Variants in LINGO1 observed in about 807,000 individuals in gnomAD.
LINGO1 encodes leucine rich repeat and Ig domain containing 1, also known as leucine-rich repeat and immunoglobulin-like domain-containing nogo receptor-interacting protein 1.
Under a neutral mutation model 37.3 loss-of-function variants are expected in LINGO1, and 11 were observed. The ratio of observed to expected loss-of-function variants is 0.29; its 90% CI spans 0.19 to 0.49. The LOEUF (loss-of-function observed/expected upper bound fraction) is 0.49. Among genes scored for constraint, LINGO1 ranks in the 20% least tolerant of loss-of-function variants. The pLI is 0.99. For synonymous variants in LINGO1, 387 were observed against 403.0 expected, an observed-to-expected ratio of 0.96 and a Z score of 0.48; for missense variants, 585 against 878.2, an observed-to-expected ratio of 0.67 and a Z score of 4.22.
At position 77,650,449 on chromosome 15, in the gene LINGO1, C is replaced by A. The variant is rs115122762; in HGVS notation, c.-13+26640G>T. Among the ~76,000 whole-genome samples, 982 of 152,316 alleles carry A rather than the reference C, an allele frequency of 6.4e-3. 15 individuals carry two copies. The highest frequency in any genetic ancestry group is 0.022 in the African/African-American group (934 of 41,574). On this transcript the variant is annotated intron_variant, in intron 3 of 3. Coordinates refer to the LINGO1 transcript ENST00000559893. ...CATGCAGGGAAGACTAGCAGAGGGT[C>A]GCCATAGCAACCCTGGGCATCCAGC... is the stretch of plus-strand genomic sequence containing the variant.
rs746043474 is a variant in LINGO1 at position 77,614,010 on chromosome 15, G to C, written c.*34C>G. The C allele has an allele frequency of 3.3e-6, 5 of 1,528,002 alleles. No individual in the cohort carries two copies. In the African/African-American group the frequency reaches 5.5e-5, roughly 17 times the overall value. The allele number at this position is 1,528,002 out of a possible 1,614,324, so 94.7% of individuals were successfully genotyped here. The stretch of plus-strand genomic sequence containing the variant: ...GGCGGCCAGGCCCCTTCCCCTGCCC[G>C]GCCGCCCGGGGGTCCCTGCCCCCCG... On this transcript the variant is annotated 3_prime_UTR_variant, in exon 2 of 2. Transcript: ENST00000355300.
chr15:77,790,192 G>C (rs974489799), upstream of LINGO1, among the ~76,000 whole-genome samples: 3 of 152,208 alleles, frequency 2.0e-5, no homozygotes, highest in Non-Finnish European at 4.4e-5. Flanking sequence ...TACACCCACA[G>C]ACCTGGTTTT....
chr15:77,752,117 T>C (rs2076378055), intron 1 of LINGO1, among the ~76,000 whole-genome samples: 2 of 152,198 alleles, frequency 1.3e-5, no homozygotes, highest in Admixed American at 1.3e-4. Flanking sequence ...TACCCCATGC[T>C]GCACCTGTGC....
chr15:77,623,758 T>TCAG (rs2073996630), intron 1 of LINGO1, among the ~76,000 whole-genome samples: 1 of 150,646 alleles, frequency 6.6e-6, no homozygotes, highest in South Asian at 2.1e-4. Context: ...GGTCATGTCC[T>TCAG]TTGTTGTGTA....
chr15:77,693,301 A>T (rs1166533316), intron 1 of LINGO1, among the ~76,000 whole-genome samples: 2 of 152,268 alleles, frequency 1.3e-5, no homozygotes, highest in African/African-American at 4.8e-5. Context: ...GATACCGATG[A>T]TAAGCAAATA....
intron 1 of LINGO1, among the ~76,000 whole-genome samples, chr15:77,802,612 C>T (rs1421833561): frequency 6.6e-6 from 1 of 152,108 alleles, no homozygotes; most frequent in African/African-American, 2.4e-5. Flanking sequence ...AGAAGGCCCC[C>T]TTCCCTTGAA....
At chr15:77,708,496 G>A (rs979466178) in intron 2 of LINGO1, among the ~76,000 whole-genome samples, 2 of 152,192 alleles carry the variant, frequency 1.3e-5, no homozygotes, top group Non-Finnish European at 2.9e-5. Flanking sequence ...ATGTCCATCT[G>A]GAACCTCAGA....
intron 3 of LINGO1, among the ~76,000 whole-genome samples, chr15:77,654,012 A>G (rs1307542758): frequency 6.6e-6 from 1 of 152,152 alleles, no homozygotes; most frequent in Non-Finnish European, 1.5e-5. Flanking sequence ...CCCCTTTAAC[A>G]TTAGGTATGG....
intron 2 of LINGO1, among the ~76,000 whole-genome samples, chr15:77,687,614 AAC>A (rs1344294906): frequency 6.6e-6 from 1 of 152,194 alleles, no homozygotes; most frequent in African/African-American, 2.4e-5. Context: ...AGCCTTCAAA[AAC>A]ACAGTGAGGA....
rs534933479 is a variant in LINGO1 at position 77,768,761 on chromosome 15, C to T, written c.-257+18108G>A. ...GCCAAGCCCTGGGCCTGTCAGAGGA[C>T]GGCAGGAGAGAAAAATTCACGACCC... On this transcript the variant is annotated intron_variant, in intron 1 of 3. Coordinates refer to the LINGO1 transcript ENST00000561686. Among the ~76,000 whole-genome samples the T allele has an allele frequency of 1.1e-3, 164 of 152,234 alleles. 1 individual carries two copies. Among genetic ancestry groups the T allele is most frequent in the African/African-American group, 3.9e-3 (162 of 41,542 alleles).
chr15:77,738,551 T>G (rs1030049300), intron 1 of LINGO1, among the ~76,000 whole-genome samples: 2 of 152,098 alleles, frequency 1.3e-5, no homozygotes, highest in African/African-American at 4.8e-5. Context: ...CCCCAGTCTC[T>G]CCCAATTTTC....
chr15:77,817,370 G>A (rs1464688888), intron 1 of LINGO1, among the ~76,000 whole-genome samples: 1 of 152,226 alleles, frequency 6.6e-6, no homozygotes, highest in Non-Finnish European at 1.5e-5. Flanking sequence ...CCACAGAGGG[G>A]CTCTAGGATG....
chr15:77,622,222 C>A (rs894714733), intron 1 of LINGO1, among the ~76,000 whole-genome samples: 6 of 151,878 alleles, frequency 4.0e-5, no homozygotes, highest in Non-Finnish European at 8.8e-5. Flanking sequence ...GAGAGAGAAA[C>A]CCAGAGACAC....
chr15:77,779,605 C>T (rs1027695068), intron 1 of LINGO1, among the ~76,000 whole-genome samples: 2 of 152,000 alleles, frequency 1.3e-5, no homozygotes, highest in East Asian at 1.9e-4. Context: ...ATAGGGTTCT[C>T]GCTCCTATGA....
rs145704587 is a variant in LINGO1, at chr15:77,780,575, A to G, written c.-257+6294T>C. 2.3e-4 allele frequency among the ~76,000 whole-genome samples: 35 copies of G among 152,144 alleles called. No homozygotes were observed. The East Asian group carries it at 6.6e-3, about 29-fold the overall frequency. On this transcript the variant is annotated intron_variant, in intron 1 of 3. Coordinates refer to the LINGO1 transcript ENST00000561686. Reference sequence around the variant, plus strand: ...CAGCCTGTGTGGATGCAATATCGTCAGAGGACAGGAGTGCAGGGGTGGCAT... The same window carrying G: ...CAGCCTGTGTGGATGCAATATCGTCGGAGGACAGGAGTGCAGGGGTGGCAT...
intron 2 of LINGO1, among the ~76,000 whole-genome samples, chr15:77,732,001 C>T (rs1016895218): frequency 6.6e-6 from 1 of 152,232 alleles, no homozygotes; most frequent in Non-Finnish European, 1.5e-5. Context: ...ACCCCAGCAG[C>T]CACCAACCAC....
chr15:77,671,963 C>T (rs1472185554), intron 3 of LINGO1, among the ~76,000 whole-genome samples: 1 of 151,864 alleles, frequency 6.6e-6, no homozygotes, highest in Non-Finnish European at 1.5e-5. Flanking sequence ...CGGCTGATTT[C>T]CTGACCTTCC....
chr15:77,810,281 C>T (rs1457284385), intron 1 of LINGO1, among the ~76,000 whole-genome samples: 2 of 113,794 alleles, frequency 1.8e-5, no homozygotes, highest in African/African-American at 5.3e-5. Flanking sequence ...CACACACATA[C>T]ACAAGCACAC....
intron 2 of LINGO1, among the ~76,000 whole-genome samples, chr15:77,710,945 T>C (rs994900019): frequency 6.6e-6 from 1 of 152,258 alleles, no homozygotes; most frequent in Non-Finnish European, 1.5e-5. Flanking sequence ...TTCACCATTC[T>C]TGGGAGAAGA....
Sources: allele counts gnomAD v4.1 joint callset (sites outside exome capture counted in the v4.1 genomes callset), GRCh38; gene constraint gnomAD v4.1.1; transcripts MANE v1.5; gene names NCBI Gene and HGNC (gene_info 2026-07-23, HGNC 2026-07-21).